The following FGF14 variants were observed in gnomAD, a reference collection of about 807,000 sequenced individuals.
The protein encoded by FGF14 is fibroblast growth factor homologous factor 4.
A neutral mutation model predicts 25.5 loss-of-function variants in FGF14; 5 were observed. That is an observed-to-expected ratio of 0.20 (90% confidence interval 0.10 to 0.41). The LOEUF (loss-of-function observed/expected upper bound fraction) is 0.41. Ranked by LOEUF, FGF14 falls within the 10% of genes least tolerant of loss-of-function variation. The pLI is 1.00. For synonymous variants in FGF14, 138 were observed against 118.3 expected (o/e 1.17, Z -1.08); for missense variants, 222 against 320.1 (o/e 0.69, Z 2.34).
intron 3 of FGF14, among the ~76,000 whole-genome samples, chr13:101,800,952 G>C (rs1248688684): frequency 6.6e-6 from 1 of 152,176 alleles, no homozygotes; most frequent in African/African-American, 2.4e-5. Context: ...GCCTGGAGGA[G>C]GGACTGTTAA....
intron 1 of FGF14, among the ~76,000 whole-genome samples, chr13:102,241,456 T>TA (rs2051596197): frequency 6.6e-6 from 1 of 152,076 alleles, no homozygotes; most frequent in Non-Finnish European, 1.5e-5. Context: ...TTCCCCATCG[T>TA]AAAAAGACTC....
At chr13:102,388,955 C>T (rs1239899871) in intron 1 of FGF14, among the ~76,000 whole-genome samples, 1 of 152,164 alleles carries the variant, frequency 6.6e-6, no homozygotes, top group African/African-American at 2.4e-5. Context: ...CCCATAACTC[C>T]CAATCATGTA....
chr13:101,815,722 A>G (rs1435377563), intron 3 of FGF14, among the ~76,000 whole-genome samples: 4 of 152,030 alleles, frequency 2.6e-5, no homozygotes, highest in African/African-American at 9.7e-5. Context: ...GCCCATTGAG[A>G]TAATACCCCC....
At chr13:101,812,638 TATATATATATATATA>T (rs1428003817) in intron 3 of FGF14, among the ~76,000 whole-genome samples, 95 of 13,742 alleles carry the variant, frequency 6.9e-3, no homozygotes, top group East Asian at 0.017. Flanking sequence ...TATATATATA[TATATATATATATATA>T]TTTTTTTTTT....
chr13:101,712,122 T>G lies in FGF14; in HGVS notation c.*10709A>C, dbSNP rs1410879654. ...TGCTATAATAGGTCCTAATAACTATTCACACTGTGTTATTACTATGTGCTA... is the reference window on the plus strand; with the variant it reads ...TGCTATAATAGGTCCTAATAACTATGCACACTGTGTTATTACTATGTGCTA... On this transcript the variant is annotated 3_prime_UTR_variant, in exon 5 of 5. Coordinates refer to ENST00000376143, the MANE Select transcript of FGF14 (RefSeq NM_004115.4). 1 of 152,208 alleles carries G rather than the reference T, an allele frequency of 6.6e-6. No individual in the cohort carries two copies. The highest frequency in any genetic ancestry group is 1.5e-5 in the Non-Finnish European group (1 of 68,034). 9.4% of individuals were successfully genotyped at this position (152,208 alleles called of 1,614,324 possible).
At chr13:102,195,925 G>C (rs935883912) in intron 1 of FGF14, among the ~76,000 whole-genome samples, 8 of 149,224 alleles carry the variant, frequency 5.4e-5, no homozygotes, top group African/African-American at 1.9e-4. Flanking sequence ...TGATTTTTCT[G>C]ATTAAATTTG....
chr13:102,392,631 A>T (rs770382501), intron 1 of FGF14, among the ~76,000 whole-genome samples: 2 of 152,246 alleles, frequency 1.3e-5, no homozygotes, highest in Non-Finnish European at 2.9e-5. Context: ...AGAAGATGGA[A>T]GTGTTCTGTT....
At chr13:102,230,919 T>A (rs1452697647) in intron 1 of FGF14, among the ~76,000 whole-genome samples, 5 of 152,206 alleles carry the variant, frequency 3.3e-5, no homozygotes, top group Non-Finnish European at 7.4e-5. Context: ...GGAGAAGTTA[T>A]CTCTATTCAC....
intron 1 of FGF14, among the ~76,000 whole-genome samples, chr13:102,388,858 C>T (rs1257244303): frequency 1.3e-5 from 2 of 151,754 alleles, no homozygotes; most frequent in Non-Finnish European, 2.9e-5. Flanking sequence ...CACTAATTTT[C>T]ACCACATCCC....
intron 1 of FGF14, among the ~76,000 whole-genome samples, chr13:102,379,413 T>C (rs1254527707): frequency 6.7e-6 from 1 of 149,840 alleles, no homozygotes; most frequent in Non-Finnish European, 1.5e-5. Context: ...GATATACACA[T>C]ACACACACAC....
chr13:102,319,293 T>A (rs963336260), intron 1 of FGF14, among the ~76,000 whole-genome samples: 1 of 152,206 alleles, frequency 6.6e-6, no homozygotes, highest in African/African-American at 2.4e-5. Context: ...GATGCATGAA[T>A]CCATGTCTAA....
intron 1 of FGF14, among the ~76,000 whole-genome samples, chr13:102,180,131 C>T (rs763002003): frequency 6.6e-6 from 1 of 152,150 alleles, no homozygotes; most frequent in East Asian, 1.9e-4. Context: ...ACTATATAGA[C>T]TGGCCAGTTA....
Position 101,713,354 on chromosome 13 carries a change from A to G in FGF14, c.*9477T>C, listed in dbSNP as rs1000188118. On this transcript the variant is annotated 3_prime_UTR_variant, in exon 5 of 5. Coordinates refer to ENST00000376143, the MANE Select transcript of FGF14 (RefSeq NM_004115.4). The stretch of plus-strand genomic sequence containing the variant: ...AATGATTGATTCTTGCCCCTTTTCA[A>G]TATATTTTGAACTTACCAATTCTGC... The G allele has an allele frequency of 3.9e-5, 6 of 152,154 alleles. No homozygotes were observed. The highest frequency in any genetic ancestry group is 2.1e-4 in the South Asian group (1 of 4,824). 9.4% of individuals were successfully genotyped at this position (152,154 alleles called of 1,614,324 possible).
At chr13:102,284,735 A>G (rs1430788939) in intron 1 of FGF14, among the ~76,000 whole-genome samples, 2 of 152,168 alleles carry the variant, frequency 1.3e-5, no homozygotes, top group African/African-American at 4.8e-5. Flanking sequence ...AATATCAAAC[A>G]TAAATGCTTA....
At chr13:101,976,024 T>C (rs1212089906) in intron 1 of FGF14, among the ~76,000 whole-genome samples, 1 of 152,238 alleles carries the variant, frequency 6.6e-6, no homozygotes, top group East Asian at 1.9e-4. Flanking sequence ...AAGATTCGTG[T>C]TCAGAACAAT....
intron 1 of FGF14, among the ~76,000 whole-genome samples, chr13:102,089,705 G>C (rs1595235528): frequency 6.6e-6 from 1 of 152,136 alleles, no homozygotes; most frequent in East Asian, 1.9e-4. Context: ...GACTTTTTGA[G>C]CACAATTCTG....
rs562987609 is a variant in FGF14, at chr13:101,939,045, C to A, written c.209-63749G>T. Among the ~76,000 whole-genome samples, 17 of 152,262 alleles carry A rather than the reference C, an allele frequency of 1.1e-4. No individual in the cohort carries two copies. The South Asian group carries it at 3.5e-3, about 32-fold the overall frequency. On this transcript the variant is annotated intron_variant, in intron 1 of 4. Coordinates refer to the FGF14 transcript ENST00000376131. ...ATCCCTTCCCAAAACCAAGTATTAA[C>A]CAGCTCAAAATGCCAATAGTGCCAA... is the stretch of plus-strand genomic sequence containing the variant.
At chr13:102,371,089 C>T (rs932238185) in intron 1 of FGF14, among the ~76,000 whole-genome samples, 3 of 152,154 alleles carry the variant, frequency 2.0e-5, no homozygotes, top group South Asian at 4.1e-4. Flanking sequence ...TTTCTGGCCA[C>T]GTGTTATTTC....
chr13:102,245,467 A>G (rs184646939), intron 1 of FGF14, among the ~76,000 whole-genome samples: 2 of 152,168 alleles, frequency 1.3e-5, no homozygotes, highest in Admixed American at 6.6e-5. Flanking sequence ...CAAAGTGCCT[A>G]GCATATAGGA....
Sources: gnomAD v4.1 joint callset for allele counts (sites outside exome capture counted in the v4.1 genomes callset) on GRCh38, gnomAD v4.1.1 for gene constraint, MANE v1.5 for transcripts, NCBI Gene and HGNC (gene_info 2026-07-23, HGNC 2026-07-21) for gene names.